DLGAP2: variants seen among roughly 807,000 people sequenced by gnomAD.
The protein encoded by DLGAP2 is disks large-associated protein 2.
In DLGAP2, 26 loss-of-function variants were observed where a neutral mutation model predicts 100.3. The observed-to-expected ratio is 0.26, with a 90% CI of 0.19 to 0.36. The LOEUF is 0.36. Ranked by LOEUF, DLGAP2 falls within the 10% of genes least tolerant of loss-of-function variation. The pLI, the probability that DLGAP2 is intolerant of heterozygous loss-of-function variation, is 1.00. For missense variants in DLGAP2, 1,858 were observed against 1,453.2 expected, an observed-to-expected ratio of 1.28 and a Z score of -4.53; for synonymous variants, 886 against 630.1, an observed-to-expected ratio of 1.41 and a Z score of -6.08.
chr8:1,549,081 C>G lies in DLGAP2; in HGVS notation c.628C>G (p.Leu210Val). The G allele has an allele frequency of 6.3e-7, 1 of 1,587,542 alleles. No homozygotes were observed. The highest frequency in any genetic ancestry group is 8.5e-7 in the Non-Finnish European group (1 of 1,170,484). ...GCTGCACCGGGACGGCTTCCACACG[C>G]TGCAGTACCAGAGGACGTCCGCGGC... ...LPLHRDGFHTLQYQRTSAAAE... is the reference protein window; with the variant it reads ...LPLHRDGFHTVQYQRTSAAAE... The change falls in exon 5 of 15, where the codon CTG becomes GTG. Residue 210 changes from leucine to valine, a missense_variant. Transcript: ENST00000637795.
chr8:1,598,864 C>A (rs747495148), intron 6 of DLGAP2, among the ~76,000 whole-genome samples: 1 of 152,084 alleles, frequency 6.6e-6, no homozygotes, highest in Non-Finnish European at 1.5e-5. Flanking sequence ...GTCTCTATCT[C>A]CTTCAGTTCT....
intron 5 of DLGAP2, among the ~76,000 whole-genome samples, chr8:1,562,617 A>G (rs1433354738): frequency 1.5e-3 from 33 of 22,290 alleles, no homozygotes; most frequent in South Asian, 6.1e-3. Flanking sequence ...TTGCTCGGGG[A>G]CTGTGTGGTG....
intron 3 of DLGAP2, among the ~76,000 whole-genome samples, chr8:1,492,957 G>A (rs907085954): frequency 2.0e-5 from 3 of 152,162 alleles, no homozygotes; most frequent in Non-Finnish European, 2.9e-5. Context: ...TCCCACCTAC[G>A]CATAGGGAAC....
chr8:1,483,427 T>G (rs1026628571), intron 3 of DLGAP2, among the ~76,000 whole-genome samples: 1 of 151,062 alleles, frequency 6.6e-6, no homozygotes, highest in African/African-American at 2.4e-5. Context: ...ACCCAGAAGC[T>G]GAACTGCTGT....
At chr8:1,512,971 C>T (rs1360494991) in intron 4 of DLGAP2, among the ~76,000 whole-genome samples, 2 of 152,260 alleles carry the variant, frequency 1.3e-5, no homozygotes, top group Non-Finnish European at 2.9e-5. Flanking sequence ...AGGCCACAGG[C>T]CAGGCCCTGG....
chr8:860,384 G>T (rs1797366397), intron 1 of DLGAP2, among the ~76,000 whole-genome samples: 2 of 152,222 alleles, frequency 1.3e-5, no homozygotes, highest in South Asian at 4.1e-4. Flanking sequence ...GCTGAGAAAT[G>T]AAAACAGCCC....
intron 2 of DLGAP2, among the ~76,000 whole-genome samples, chr8:989,506 C>G (rs1800592693): frequency 6.6e-6 from 1 of 152,110 alleles, no homozygotes; most frequent in East Asian, 1.9e-4. Flanking sequence ...GACGGAAATA[C>G]CAGGATGCAA....
chr8:1,599,084 T>G (rs1458100566), intron 6 of DLGAP2, among the ~76,000 whole-genome samples: 1 of 152,206 alleles, frequency 6.6e-6, no homozygotes, highest in Non-Finnish European at 1.5e-5. Context: ...TATTGTTGGT[T>G]CCAAAGAACT....
At chr8:1,173,166 G>A (rs1218796209) in intron 2 of DLGAP2, among the ~76,000 whole-genome samples, 1 of 152,160 alleles carries the variant, frequency 6.6e-6, no homozygotes. Flanking sequence ...AGTTTGCCTG[G>A]GTATCGGCAG....
chr8:809,906 CAT>C (rs1796340378), intron 1 of DLGAP2, among the ~76,000 whole-genome samples: 1 of 152,244 alleles, frequency 6.6e-6, no homozygotes, highest in Admixed American at 6.5e-5. Context: ...CGCCCAGAAG[CAT>C]GGTGTGCTCT....
At chr8:752,068 CT>C (rs1820804474) in intron 1 of DLGAP2, among the ~76,000 whole-genome samples, 1 of 152,216 alleles carries the variant, frequency 6.6e-6, no homozygotes, top group African/African-American at 2.4e-5. Flanking sequence ...GGCCCAGGTT[CT>C]TCCCTGGTGT....
chr8:1,627,580 A>G (rs1175875529), intron 7 of DLGAP2, among the ~76,000 whole-genome samples: 24 of 152,278 alleles, frequency 1.6e-4, no homozygotes, highest in Non-Finnish European at 3.5e-4. Context: ...ATTTTAATTA[A>G]GCACGTTGCT....
chr8:1,208,592 A>G lies in DLGAP2; in HGVS notation c.74-50259A>G, dbSNP rs969459710. Among the ~76,000 whole-genome samples, 3 of 146,026 alleles carry G rather than the reference A, an allele frequency of 2.1e-5. No homozygotes were observed. In the East Asian group the frequency reaches 6.1e-4, roughly 30 times the overall value. Reference sequence around the variant, plus strand: ...CAAGACAAGGATGCCCACTTTTACCACTTCTGTTCAACATAGTACTAGAAG... The same window carrying G: ...CAAGACAAGGATGCCCACTTTTACCGCTTCTGTTCAACATAGTACTAGAAG... On this transcript the variant is annotated intron_variant, in intron 2 of 14. Coordinates refer to ENST00000637795, the MANE Select transcript of DLGAP2 (RefSeq NM_001346810.2).
At chr8:1,677,793 C>G (rs576112096) in intron 11 of DLGAP2, among the ~76,000 whole-genome samples, 2 of 152,172 alleles carry the variant, frequency 1.3e-5, no homozygotes, top group Non-Finnish European at 2.9e-5. Context: ...GGCTCAGGCC[C>G]TGAAACACAA....
chr8:900,270 C>T (rs1004378632), intron 1 of DLGAP2, among the ~76,000 whole-genome samples: 7 of 148,418 alleles, frequency 4.7e-5, no homozygotes, highest in African/African-American at 1.5e-4. Flanking sequence ...CGGTCGGCGC[C>T]ATCCTGTTCA....
chr8:1,220,340 G>A (rs1180480269), intron 2 of DLGAP2, among the ~76,000 whole-genome samples: 3 of 152,074 alleles, frequency 2.0e-5, no homozygotes, highest in Admixed American at 6.6e-5. Flanking sequence ...ATAATGTTTG[G>A]ATTTCTACCT....
intron 2 of DLGAP2, among the ~76,000 whole-genome samples, chr8:1,039,661 G>C (rs75575301): frequency 0.19 from 2,893 of 15,572 alleles, 403 homozygotes; most frequent in Middle Eastern, 0.42. Flanking sequence ...GCTCGGTGTG[G>C]GTGGTCAGCT....
At chr8:873,828 A>C (rs1307966708) in intron 1 of DLGAP2, among the ~76,000 whole-genome samples, 1 of 152,204 alleles carries the variant, frequency 6.6e-6, no homozygotes, top group Non-Finnish European at 1.5e-5. Flanking sequence ...GGCAGAATTC[A>C]GTAGAGATGT....
intron 1 of DLGAP2, among the ~76,000 whole-genome samples, chr8:813,043 A>T (rs767917859): frequency 3.3e-5 from 5 of 152,220 alleles, no homozygotes; most frequent in Non-Finnish European, 5.9e-5. Flanking sequence ...AATTTTTCAT[A>T]ATACCCCGGT....
Sources: gnomAD v4.1 joint callset for allele counts (sites outside exome capture counted in the v4.1 genomes callset) on GRCh38, gnomAD v4.1.1 for gene constraint, MANE v1.5 for transcripts, NCBI Gene and HGNC (gene_info 2026-07-23, HGNC 2026-07-21) for gene names.